WNK3: variants seen among roughly 807,000 people sequenced by gnomAD.
WNK3 encodes the protein WNK lysine deficient protein kinase 3.
In WNK3, 18 loss-of-function variants were observed where a neutral mutation model predicts 116.7. The ratio of observed to expected loss-of-function variants is 0.15; its 90% confidence interval spans 0.11 to 0.23. The LOEUF (loss-of-function observed/expected upper bound fraction) is 0.23, where lower values mean the gene tolerates loss of function less well. WNK3 is among the 10% of genes least tolerant of loss of function. The pLI is 1.00. For missense variants in WNK3, 993 were observed against 1,323.8 expected, an observed-to-expected ratio of 0.75 and a Z score of 3.88; for synonymous variants, 404 against 469.4, an observed-to-expected ratio of 0.86 and a Z score of 1.80.
At chrX:54,253,426 G>T (rs921969566) in intron 13 of WNK3, among the ~76,000 whole-genome samples, 3 of 110,405 alleles carry the variant, frequency 2.7e-5, no homozygotes, top group Non-Finnish European at 5.7e-5. Flanking sequence ...CACCACATCT[G>T]GCATTTTTTA....
At chrX:54,298,851 C>G (rs1349040020) in intron 6 of WNK3, among the ~76,000 whole-genome samples, 1 of 112,080 alleles carries the variant, frequency 8.9e-6, no homozygotes, top group Non-Finnish European at 1.9e-5. Flanking sequence ...CTCTAAAGTA[C>G]GTTAAAAATT....
intron 10 of WNK3, among the ~76,000 whole-genome samples, chrX:54,280,600 T>C (rs900459290): frequency 1.3e-4 from 14 of 111,894 alleles, no homozygotes; most frequent in Non-Finnish European, 2.4e-4. Context: ...TATGCAGCCA[T>C]AAAAAAGAAT....
intron 22 of WNK3, among the ~76,000 whole-genome samples, chrX:54,203,729 C>A (rs1340111506): frequency 1.8e-5 from 2 of 110,139 alleles, no homozygotes; most frequent in Non-Finnish European, 3.8e-5. Context: ...GGCGGATCAC[C>A]TGAGGTCAGG....
At chrX:54,274,237 A>T (rs1343784233) in intron 10 of WNK3, among the ~76,000 whole-genome samples, 1 of 111,651 alleles carries the variant, frequency 9.0e-6, no homozygotes, top group African/African-American at 3.3e-5. Context: ...TCATTCTACT[A>T]CCATTCTTCT....
intron 22 of WNK3, among the ~76,000 whole-genome samples, chrX:54,212,451 G>C (rs2067626839): frequency 2.7e-5 from 3 of 112,077 alleles, no homozygotes. Flanking sequence ...ATCCCAGAAG[G>C]GAATGTAGAA....
chrX:54,290,490 A>G (rs782457904), intron 10 of WNK3, among the ~76,000 whole-genome samples: 3 of 112,048 alleles, frequency 2.7e-5, no homozygotes, highest in Non-Finnish European at 5.6e-5. Context: ...AAATTTCAGC[A>G]AATTATCAAA....
intron 2 of WNK3, among the ~76,000 whole-genome samples, chrX:54,320,963 C>G (rs1199780592): frequency 9.1e-6 from 1 of 110,396 alleles, no homozygotes; most frequent in Non-Finnish European, 1.9e-5. Context: ...ATGGCATGAT[C>G]TGGGCTCACC....
At chrX:54,314,939 A>C (rs1036078198) in intron 2 of WNK3, among the ~76,000 whole-genome samples, 1 of 110,896 alleles carries the variant, frequency 9.0e-6, no homozygotes, top group Non-Finnish European at 1.9e-5. Context: ...AAAATAAATA[A>C]ATAATCTAAA....
At chrX:54,255,914 C>T (rs782818413) in intron 11 of WNK3, 27 bp from the exon 12 acceptor site, 2 of 1,168,909 alleles carry the variant, frequency 1.7e-6, no homozygotes, top group Non-Finnish European at 2.3e-6. Flanking sequence ...AAAAGTAACT[C>T]ATTCCAGTCT....
At chrX:54,323,727 G>A (rs1309112304) in intron 2 of WNK3, among the ~76,000 whole-genome samples, 2 of 110,546 alleles carry the variant, frequency 1.8e-5, no homozygotes, top group Non-Finnish European at 3.8e-5. Context: ...ATCATTTCAC[G>A]AACTCCAATT....
chrX:54,220,484 G>A (rs1569535651), intron 22 of WNK3, among the ~76,000 whole-genome samples: 4 of 110,655 alleles, frequency 3.6e-5, no homozygotes, highest in Admixed American at 9.7e-5. Flanking sequence ...CCAGGAGGTC[G>A]AGGCTGCAGT....
At chrX:54,239,199 CT>C in intron 17 of WNK3, 100 bp from the exon 18 acceptor site, 38 of 451,119 alleles carry the variant, frequency 8.4e-5, no homozygotes, top group Non-Finnish European at 1.0e-4. Context: ...TAAGGTGAAG[CT>C]TTTAAAAAAA....
intron 1 of WNK3, among the ~76,000 whole-genome samples, chrX:54,339,001 CAAA>C (rs782133987): frequency 9.7e-5 from 4 of 41,291 alleles, no homozygotes; most frequent in Admixed American, 6.4e-4. Context: ...GACTCTGTCT[CAAA>C]AAAAAAAAAA....
intron 1 of WNK3, among the ~76,000 whole-genome samples, chrX:54,344,099 G>A (rs1557176911): frequency 8.9e-6 from 1 of 112,287 alleles, no homozygotes; most frequent in South Asian, 3.6e-4. Flanking sequence ...CTCTGGCAAA[G>A]GTGGGAAAAT....
intron 2 of WNK3, 105 bp from the exon 3 acceptor site, chrX:54,311,396 T>A: frequency 3.4e-6 from 2 of 590,100 alleles, no homozygotes; most frequent in Non-Finnish European, 5.3e-6. Flanking sequence ...TGGATGTGTA[T>A]ATTTATTTAT....
At chrX:54,355,913 T>C (rs965087193) in intron 1 of WNK3, among the ~76,000 whole-genome samples, 10 of 111,736 alleles carry the variant, frequency 8.9e-5, no homozygotes, top group Non-Finnish European at 1.9e-4. Context: ...ACATTAAGTA[T>C]TCATCTCAAT....
intron 1 of WNK3, among the ~76,000 whole-genome samples, chrX:54,343,965 A>G (rs1234842833): frequency 9.0e-6 from 1 of 111,267 alleles, no homozygotes; most frequent in East Asian, 2.8e-4. Context: ...CTGTCCCCAA[A>G]ATCCACTTTT....
intron 1 of WNK3, among the ~76,000 whole-genome samples, chrX:54,347,353 G>GTA (rs2069445867): frequency 2.7e-5 from 3 of 111,544 alleles, no homozygotes; most frequent in Non-Finnish European, 5.6e-5. Flanking sequence ...GGGCGTGGTG[G>GTA]CATGTGCCTA....
intron 1 of WNK3, among the ~76,000 whole-genome samples, chrX:54,348,325 C>T (rs903333860): frequency 2.7e-5 from 3 of 110,138 alleles, no homozygotes; most frequent in Non-Finnish European, 5.7e-5. Context: ...TACAGGCGCA[C>T]GCCACCATGC....
Sources: gnomAD v4.1 joint callset for allele counts (sites outside exome capture counted in the v4.1 genomes callset) on GRCh38, gnomAD v4.1.1 for gene constraint, MANE v1.5 for transcripts, NCBI Gene and HGNC (gene_info 2026-07-23, HGNC 2026-07-21) for gene names.